Variants in SPICE1 observed in about 807,000 individuals in gnomAD.
The protein encoded by SPICE1 is spindle and centriole-associated protein 1.
In SPICE1, 75 loss-of-function variants were observed where a neutral mutation model predicts 102.7. The observed-to-expected ratio is 0.73, with a 90% confidence interval of 0.61 to 0.88. The LOEUF is 0.88. Ranked by LOEUF, SPICE1 falls within the 40% of genes least tolerant of loss-of-function variation. The pLI is 0.00. For missense variants in SPICE1, 979 were observed against 1,020.1 expected, an observed-to-expected ratio of 0.96 and a Z score of 0.55; for synonymous variants, 308 against 350.3, an observed-to-expected ratio of 0.88 and a Z score of 1.35.
chr3:113,494,244 T>C (rs954526387), intron 4 of SPICE1, 102 bp from the exon 5 acceptor site: 11 of 694,926 alleles, frequency 1.6e-5, no homozygotes, highest in African/African-American at 3.6e-5. Context: ...AAAATAACCA[T>C]AGGCTACCTT....
intron 2 of SPICE1, among the ~76,000 whole-genome samples, chr3:113,506,152 G>T (rs185061608): frequency 1.5e-4 from 23 of 152,272 alleles, no homozygotes; most frequent in Admixed American, 1.4e-3. Context: ...CCTAAAAAAG[G>T]TACCGAAAAA....
chr3:113,482,987 A>G (rs1475088925), intron 7 of SPICE1, among the ~76,000 whole-genome samples: 1 of 152,140 alleles, frequency 6.6e-6, no homozygotes, highest in African/African-American at 2.4e-5. Context: ...TCTATAAATT[A>G]CTTTGGGCAG....
rs202202846 is a variant in SPICE1 at position 113,494,144 on chromosome 3, T to C, written c.292-2A>G. On this transcript the variant is annotated splice_acceptor_variant, in intron 4 of 17. Transcript: ENST00000295872. LOFTEE classifies it high-confidence loss of function. Reference sequence around the variant, plus strand: ...CATCTGGTATTGATCAGAAAGAATCTAGACATGTGTTAATGACAAATATTA... The same window carrying C: ...CATCTGGTATTGATCAGAAAGAATCCAGACATGTGTTAATGACAAATATTA... The C allele has an allele frequency of 6.4e-7, 1 of 1,569,382 alleles. No homozygotes were observed. The highest frequency in any genetic ancestry group is 2.2e-5 in the East Asian group (1 of 44,602).
In SPICE1 at chr3:113,493,284, A is replaced by C. The variant is rs1217808717; in HGVS notation, c.414T>G (p.Asp138Glu). The C allele has an allele frequency of 6.2e-7, 1 of 1,614,014 alleles. No individual in the cohort carries two copies. Among genetic ancestry groups the C allele is most frequent in the Non-Finnish European group, 8.5e-7 (1 of 1,179,932 alleles). Residue 138 changes from aspartate (D) to glutamate (E), a missense_variant, in exon 6 of 18, where the codon GAT becomes GAG. By Grantham distance (45) the Asp-to-Glu change is conservative. Transcript: ENST00000295872. ...TGFPNVTVAP[D>E]SSQGPIVVNQ... ...TTACCACAATGGGACCCTGAGAGGA[A>C]TCAGGAGCCACTGTTACATTTGGAA...
intron 3 of SPICE1, among the ~76,000 whole-genome samples, chr3:113,500,216 T>C (rs1410302794): frequency 6.6e-6 from 1 of 152,152 alleles, no homozygotes; most frequent in Non-Finnish European, 1.5e-5. Context: ...TTCACTAAGG[T>C]TCACTAAGGT....
At chr3:113,513,367 C>G (rs191016495) in intron 1 of SPICE1, among the ~76,000 whole-genome samples, 1 of 152,272 alleles carries the variant, frequency 6.6e-6, no homozygotes, top group Admixed American at 6.5e-5. Flanking sequence ...GCTACGATGG[C>G]GCCCCTGCAC....
At chr3:113,450,095 T>C in intron 15 of SPICE1, 1 of 525,884 alleles carries the variant, frequency 1.9e-6, no homozygotes, top group Non-Finnish European at 3.4e-6. Context: ...TACGATAATT[T>C]AGGAACTCAG....
chr3:113,464,147 A>G (rs1211864756), intron 11 of SPICE1, among the ~76,000 whole-genome samples: 1 of 152,048 alleles, frequency 6.6e-6, no homozygotes, highest in Non-Finnish European at 1.5e-5. Context: ...GTGCTGGCAT[A>G]CAACTTCAAA....
intron 2 of SPICE1, among the ~76,000 whole-genome samples, chr3:113,503,983 T>C (rs1937060039): frequency 6.7e-6 from 1 of 150,198 alleles, no homozygotes; most frequent in Non-Finnish European, 1.5e-5. Context: ...AGAGGTTCAA[T>C]TTGTGTCTGC....
Position 113,452,762 on chromosome 3 carries a change from G to A in SPICE1, c.2142+704C>T, listed in dbSNP as rs191282005. On this transcript the variant is annotated intron_variant, in intron 14 of 17. Coordinates refer to ENST00000295872, the MANE Select transcript of SPICE1 (RefSeq NM_144718.4). ...TGGGAGGCTGAGGCGGGCAGATCAC[G>A]AGGTCAGGAATTCAAGACTAGCCTG... 2.9e-4 allele frequency among the ~76,000 whole-genome samples: 44 copies of A among 152,104 alleles called. No homozygotes were observed. In the East Asian group the frequency reaches 7.5e-3, roughly 26 times the overall value.
chr3:113,509,333 A>G (rs61065093), intron 1 of SPICE1, among the ~76,000 whole-genome samples: 6,572 of 152,248 alleles, frequency 0.043, 167 homozygotes, highest in East Asian at 0.081. Context: ...TTATATCTCC[A>G]ATTTACTCTG....
At chr3:113,477,118 G>A (rs1352241840) in intron 7 of SPICE1, among the ~76,000 whole-genome samples, 1 of 152,008 alleles carries the variant, frequency 6.6e-6, no homozygotes, top group Non-Finnish European at 1.5e-5. Flanking sequence ...TCAAAAAGTG[G>A]GCAAAGGACA....
At chr3:113,475,911 C>A (rs1936333587) in intron 7 of SPICE1, among the ~76,000 whole-genome samples, 3 of 152,122 alleles carry the variant, frequency 2.0e-5, no homozygotes, top group Admixed American at 1.3e-4. Context: ...TCCTATTCAA[C>A]ATAGTGTTGG....
At chr3:113,463,731 C>G (rs1935986426) in intron 11 of SPICE1, among the ~76,000 whole-genome samples, 1 of 152,218 alleles carries the variant, frequency 6.6e-6, no homozygotes, top group Non-Finnish European at 1.5e-5. Context: ...AGATTAGTGA[C>G]TGCCAGGAGC....
At chr3:113,506,721 T>G (rs1232109451) in intron 1 of SPICE1, 116 bp from the exon 2 acceptor site, 4 of 732,154 alleles carry the variant, frequency 5.5e-6, no homozygotes, top group East Asian at 2.7e-5. Flanking sequence ...GAAGAAAAAT[T>G]TAAGCATGAT....
chr3:113,468,712 G>A, intron 9 of SPICE1, 50 bp downstream of exon 9: 1 of 1,565,606 alleles, frequency 6.4e-7, no homozygotes, highest in Middle Eastern at 1.9e-4. Flanking sequence ...TAAGACAGCT[G>A]TATCAAGTTA....
At chr3:113,482,203 A>G (rs1183886327) in intron 7 of SPICE1, among the ~76,000 whole-genome samples, 1 of 152,154 alleles carries the variant, frequency 6.6e-6, no homozygotes, top group Admixed American at 6.5e-5. Flanking sequence ...TGGCTGCATA[A>G]ATGTCTTATT....
rs1263133047 is a variant in SPICE1, at chr3:113,443,501, T to TTACA, written c.*1802_*1805dup. 6.6e-6 allele frequency: 1 copy of TTACA among 152,178 alleles called. No homozygotes were observed. Among genetic ancestry groups the TTACA allele is most frequent in the African/African-American group, 2.4e-5 (1 of 41,420 alleles). The allele number at this position is 152,178 out of a possible 1,614,324, so 9.4% of individuals were successfully genotyped here. A position where few individuals can be genotyped will look rare whatever the true frequency, so the allele number is the denominator to read the frequency against. On this transcript the variant is annotated 3_prime_UTR_variant, in exon 18 of 18. Transcript: ENST00000295872. ...AAGGTGCTGGGAGAGGAGGAAGCAT[T>TTACA]TACATACCTCTAACTGATAGGTCTA...
chr3:113,449,357 T>C (rs1935590056), intron 15 of SPICE1: 1 of 150,740 alleles, frequency 6.6e-6, no homozygotes, highest in African/African-American at 2.5e-5. Context: ...ACATAGTACA[T>C]GTTCATATAT....
Sources: allele counts gnomAD v4.1 joint callset (sites outside exome capture counted in the v4.1 genomes callset), GRCh38; gene constraint gnomAD v4.1.1; transcripts MANE v1.5; gene names NCBI Gene and HGNC (gene_info 2026-07-23, HGNC 2026-07-21).